Variants in CTNND2 observed in about 807,000 individuals in gnomAD.
CTNND2 encodes the protein catenin delta-2.
Under a neutral mutation model 144.4 loss-of-function variants are expected in CTNND2, and 22 were observed. The observed-to-expected ratio is 0.15, with a 90% CI of 0.11 to 0.22. CTNND2 has a LOEUF of 0.22. CTNND2 is among the 10% of genes least tolerant of loss of function. The probability of loss-of-function intolerance (pLI) is 1.00; values close to 1 mark genes in which losing one functional copy is unlikely to be tolerated. For missense variants in CTNND2, 1,353 were observed against 1,618.8 expected, an observed-to-expected ratio of 0.84 and a Z score of 2.82; for synonymous variants, 751 against 695.6, an observed-to-expected ratio of 1.08 and a Z score of -1.25.
At chr5:11,220,645 C>T in intron 10 of CTNND2, among the ~76,000 whole-genome samples, 1 of 152,160 alleles carries the variant, frequency 6.6e-6, no homozygotes, top group Non-Finnish European at 1.5e-5. Flanking sequence ...AGCGAACATA[C>T]CCTTCTATGC....
chr5:11,653,298 C>G (rs1371614045), intron 2 of CTNND2, among the ~76,000 whole-genome samples: 1 of 152,006 alleles, frequency 6.6e-6, no homozygotes, highest in African/African-American at 2.4e-5. Context: ...TGTGGTAGTT[C>G]TGTTTTTCGT....
rs1265110037 is a variant in CTNND2, at chr5:11,670,179, A to T, written c.174+61957T>A. Among the ~76,000 whole-genome samples the T allele has an allele frequency of 2.6e-5, 4 of 152,106 alleles. 1 individual carries two copies. The highest frequency in any genetic ancestry group is 5.9e-5 in the Non-Finnish European group (4 of 68,018). On this transcript the variant is annotated intron_variant, in intron 2 of 21. Coordinates refer to ENST00000304623, the MANE Select transcript of CTNND2 (RefSeq NM_001332.4). ...TGTGTTTTACTTCCAATTATGTGTCAATTTTAGAATAAGTGTGATGTGGTG... is the reference window on the plus strand; with the variant it reads ...TGTGTTTTACTTCCAATTATGTGTCTATTTTAGAATAAGTGTGATGTGGTG...
At chr5:11,446,766 A>G (rs1204847838) in intron 3 of CTNND2, among the ~76,000 whole-genome samples, 1 of 152,100 alleles carries the variant, frequency 6.6e-6, no homozygotes, top group African/African-American at 2.4e-5. Context: ...CAGAGAGAAG[A>G]TGAGTTACAG....
At chr5:11,517,921 C>T (rs764961282) in intron 3 of CTNND2, among the ~76,000 whole-genome samples, 108 of 152,286 alleles carry the variant, frequency 7.1e-4, no homozygotes, top group Middle Eastern at 3.4e-3. Flanking sequence ...ATTAGATCTT[C>T]GGACACAGAC....
At position 11,823,308 on chromosome 5, in the gene CTNND2, G is replaced by A. The variant is rs953166126; in HGVS notation, c.37+80509C>T. Reference sequence around the variant, plus strand: ...ATGCATGCAATTTTTTCCAATTAACGAGTTTGTGGATTTGTGCTGGGTGTG... The same window carrying A: ...ATGCATGCAATTTTTTCCAATTAACAAGTTTGTGGATTTGTGCTGGGTGTG... On this transcript the variant is annotated intron_variant, in intron 1 of 21. Transcript: ENST00000304623. 7.9e-5 allele frequency among the ~76,000 whole-genome samples: 12 copies of A among 152,156 alleles called. No homozygotes were observed. In the South Asian group the frequency reaches 2.5e-3, roughly 32 times the overall value.
chr5:11,497,760 A>G (rs1251526414), intron 3 of CTNND2, among the ~76,000 whole-genome samples: 3 of 152,054 alleles, frequency 2.0e-5, no homozygotes, highest in Admixed American at 6.5e-5. Context: ...TTAAGAAGAT[A>G]ATTATATGAT....
At chr5:11,440,946 G>C (rs904907397) in intron 3 of CTNND2, among the ~76,000 whole-genome samples, 1 of 152,132 alleles carries the variant, frequency 6.6e-6, no homozygotes, top group Non-Finnish European at 1.5e-5. Flanking sequence ...ATTTGTTGAT[G>C]TCTTAGTATC....
chr5:11,087,328 A>C (rs1411995658), intron 15 of CTNND2, among the ~76,000 whole-genome samples: 1 of 152,228 alleles, frequency 6.6e-6, no homozygotes, highest in Non-Finnish European at 1.5e-5. Context: ...TATTTTTACC[A>C]GTAGTTTATT....
chr5:11,122,711 G>A (rs941818384), intron 12 of CTNND2, among the ~76,000 whole-genome samples: 18 of 152,124 alleles, frequency 1.2e-4, no homozygotes, highest in Admixed American at 2.6e-4. Context: ...GGGTTCCTGA[G>A]ACCATATACT....
intron 2 of CTNND2, among the ~76,000 whole-genome samples, chr5:11,652,078 A>G (rs143301758): frequency 6.6e-6 from 1 of 152,236 alleles, no homozygotes; most frequent in East Asian, 1.9e-4. Context: ...TATAGCTTGG[A>G]TTTATGTCCC....
intron 3 of CTNND2, among the ~76,000 whole-genome samples, chr5:11,511,727 T>C (rs182377302): frequency 6.6e-6 from 1 of 152,266 alleles, no homozygotes; most frequent in East Asian, 1.9e-4. Context: ...TCCTCCCCCA[T>C]TGTGAATTCT....
chr5:11,865,966 T>C (rs1795751736), intron 1 of CTNND2, among the ~76,000 whole-genome samples: 2 of 147,526 alleles, frequency 1.4e-5, no homozygotes, highest in Non-Finnish European at 3.0e-5. Flanking sequence ...AGTGACACCT[T>C]GATTTTAGCC....
At chr5:11,591,301 T>A (rs1490762228) in intron 2 of CTNND2, among the ~76,000 whole-genome samples, 1 of 152,198 alleles carries the variant, frequency 6.6e-6, no homozygotes, top group Non-Finnish European at 1.5e-5. Flanking sequence ...CAGTTACCTC[T>A]GACACTGAAA....
intron 3 of CTNND2, among the ~76,000 whole-genome samples, chr5:11,461,123 C>T (rs1364751676): frequency 6.6e-6 from 1 of 151,778 alleles, no homozygotes; most frequent in Admixed American, 6.6e-5. Context: ...TTTTCTTTCT[C>T]CCCTCACTAG....
chr5:11,275,156 A>T (rs1171805361), intron 9 of CTNND2, among the ~76,000 whole-genome samples: 1 of 152,200 alleles, frequency 6.6e-6, no homozygotes, highest in African/African-American at 2.4e-5. Context: ...TGTATAAATC[A>T]CTTTATTTAA....
chr5:11,520,487 C>G (rs554752806), intron 3 of CTNND2, among the ~76,000 whole-genome samples: 5 of 152,220 alleles, frequency 3.3e-5, no homozygotes, highest in African/African-American at 7.2e-5. Context: ...GAGTGAGGTG[C>G]GTACCAGGCC....
intron 3 of CTNND2, among the ~76,000 whole-genome samples, chr5:11,530,270 T>A (rs987617846): frequency 6.6e-6 from 1 of 152,072 alleles, no homozygotes; most frequent in Admixed American, 6.6e-5. Context: ...AGCAATAATG[T>A]CAGATGGTTA....
chr5:11,309,535 A>G (rs1750586989), intron 9 of CTNND2, among the ~76,000 whole-genome samples: 1 of 152,144 alleles, frequency 6.6e-6, no homozygotes, highest in Non-Finnish European at 1.5e-5. Context: ...CCTGCACTGG[A>G]TCTTGGAAGT....
intron 10 of CTNND2, among the ~76,000 whole-genome samples, chr5:11,223,404 T>C: frequency 6.6e-6 from 1 of 152,200 alleles, no homozygotes; most frequent in East Asian, 1.9e-4. Flanking sequence ...GGGAAGAAGA[T>C]GCCAGTTTTC....
Sources: allele counts gnomAD v4.1 joint callset (sites outside exome capture counted in the v4.1 genomes callset), GRCh38; gene constraint gnomAD v4.1.1; transcripts MANE v1.5; gene names NCBI Gene and HGNC (gene_info 2026-07-23, HGNC 2026-07-21).